NCAM2: variants seen among roughly 807,000 people sequenced by gnomAD.
NCAM2 encodes neural cell adhesion molecule 2, also known as N-CAM-2.
A neutral mutation model predicts 98.1 loss-of-function variants in NCAM2; 30 were observed. That is an observed-to-expected ratio of 0.31 (90% CI 0.23 to 0.41). The LOEUF (loss-of-function observed/expected upper bound fraction) is 0.41, where lower values mean the gene tolerates loss of function less well. Ranked by LOEUF, NCAM2 falls within the 10% of genes least tolerant of loss-of-function variation. The probability of loss-of-function intolerance (pLI) is 1.00; values close to 1 mark genes in which losing one functional copy is unlikely to be tolerated. For synonymous variants in NCAM2, 368 were observed against 342.4 expected (o/e 1.07, Z -0.83); for missense variants, 867 against 1,005.8 (o/e 0.86, Z 1.87).
chr21:21,282,471 A>G (rs1162120354), intron 2 of NCAM2, among the ~76,000 whole-genome samples: 1 of 151,692 alleles, frequency 6.6e-6, no homozygotes, highest in Non-Finnish European at 1.5e-5. Flanking sequence ...ATAGTACTGG[A>G]AGTAGTCTTA....
chr21:21,469,846 A>G (rs189656268), intron 14 of NCAM2, among the ~76,000 whole-genome samples: 4 of 152,158 alleles, frequency 2.6e-5, no homozygotes, highest in African/African-American at 9.6e-5. Flanking sequence ...CCCAGCTTTC[A>G]TACTCAAGTG....
intron 1 of NCAM2, among the ~76,000 whole-genome samples, chr21:21,053,259 G>T (rs1031090521): frequency 6.6e-6 from 1 of 151,900 alleles, no homozygotes; most frequent in Non-Finnish European, 1.5e-5. Context: ...AATTTGTGGC[G>T]ACATCAGAAT....
intron 6 of NCAM2, among the ~76,000 whole-genome samples, chr21:21,326,710 A>G (rs2074520730): frequency 6.6e-6 from 1 of 152,150 alleles, no homozygotes; most frequent in Non-Finnish European, 1.5e-5. Context: ...TTCATATGGT[A>G]TTAGTTTCAT....
intron 1 of NCAM2, among the ~76,000 whole-genome samples, chr21:21,251,053 C>A (rs1177522589): frequency 6.6e-6 from 1 of 152,110 alleles, no homozygotes; most frequent in Non-Finnish European, 1.5e-5. Context: ...ATTCTCTTTC[C>A]TGGGGAAAGG....
chr21:21,133,347 G>A (rs1439446673), intron 1 of NCAM2, among the ~76,000 whole-genome samples: 1 of 152,142 alleles, frequency 6.6e-6, no homozygotes, highest in Non-Finnish European at 1.5e-5. Context: ...AGCCATATCT[G>A]GGATATTGAC....
intron 1 of NCAM2, among the ~76,000 whole-genome samples, chr21:21,224,457 A>G (rs1007115976): frequency 2.6e-5 from 4 of 152,160 alleles, no homozygotes; most frequent in Admixed American, 6.6e-5. Flanking sequence ...TCCTTCACCA[A>G]TGGATTGTTT....
intron 1 of NCAM2, among the ~76,000 whole-genome samples, chr21:21,049,062 ACT>A (rs2065055049): frequency 7.5e-6 from 1 of 134,004 alleles, no homozygotes; most frequent in Non-Finnish European, 1.5e-5. Context: ...CCCAGGCTGG[ACT>A]GCGGACTGCA....
intron 1 of NCAM2, among the ~76,000 whole-genome samples, chr21:21,106,042 A>G (rs2066337989): frequency 6.6e-6 from 1 of 152,042 alleles, no homozygotes; most frequent in Non-Finnish European, 1.5e-5. Flanking sequence ...TGGTATGTGT[A>G]CGTGTGTATG....
At chr21:21,125,675 TAG>T (rs1400593193) in intron 1 of NCAM2, among the ~76,000 whole-genome samples, 1 of 127,382 alleles carries the variant, frequency 7.9e-6, no homozygotes, top group Non-Finnish European at 1.6e-5. Context: ...TATCTATATA[TAG>T]AGATATATAT....
chr21:21,220,429 TA>T (rs1411007468), intron 1 of NCAM2, among the ~76,000 whole-genome samples: 1 of 152,194 alleles, frequency 6.6e-6, no homozygotes, highest in African/African-American at 2.4e-5. Context: ...TTTTGTAGTC[TA>T]GGGGAAATAG....
chr21:21,182,841 G>A (rs560171641), intron 1 of NCAM2, among the ~76,000 whole-genome samples: 6 of 152,210 alleles, frequency 3.9e-5, no homozygotes, highest in South Asian at 4.1e-4. Flanking sequence ...TAAGATATAC[G>A]TAGGCCTCAT....
chr21:21,026,378 G>T lies in NCAM2; in HGVS notation c.55+27760G>T, dbSNP rs920487414. On this transcript the variant is annotated intron_variant, in intron 1 of 17. Coordinates refer to ENST00000400546, the MANE Select transcript of NCAM2 (RefSeq NM_004540.5). Reference sequence around the variant, plus strand: ...ACTTACTTAAAAATTTCAAAGTTAGGCCAGGCGCGGTGGCTCACGCCTGTA... The same window carrying T: ...ACTTACTTAAAAATTTCAAAGTTAGTCCAGGCGCGGTGGCTCACGCCTGTA... 5.9e-5 allele frequency among the ~76,000 whole-genome samples: 9 copies of T among 152,254 alleles called. 1 individual carries two copies. The highest frequency in any genetic ancestry group is 5.2e-4 in the Admixed American group (8 of 15,304).
intron 14 of NCAM2, among the ~76,000 whole-genome samples, chr21:21,472,858 C>T (rs1468210773): frequency 1.3e-5 from 2 of 151,464 alleles, no homozygotes; most frequent in South Asian, 2.1e-4. Context: ...GCACATGGAA[C>T]AAAGGCAAGT....
intron 11 of NCAM2, among the ~76,000 whole-genome samples, chr21:21,419,858 T>C (rs2077075164): frequency 6.6e-6 from 1 of 152,178 alleles, no homozygotes; most frequent in Admixed American, 6.5e-5. Context: ...TGATTTATAA[T>C]CCTTTGGGTA....
At chr21:21,285,394 G>C (rs2073064822) in intron 3 of NCAM2, among the ~76,000 whole-genome samples, 1 of 151,824 alleles carries the variant, frequency 6.6e-6, no homozygotes, top group Non-Finnish European at 1.5e-5. Flanking sequence ...TGTTGCTCTT[G>C]TGTTTCCTGA....
At chr21:21,410,779 A>C (rs1348791480) in intron 10 of NCAM2, among the ~76,000 whole-genome samples, 1 of 150,936 alleles carries the variant, frequency 6.6e-6, no homozygotes, top group Non-Finnish European at 1.5e-5. Context: ...GAGGCTGAGG[A>C]GGGCAGATCA....
intron 1 of NCAM2, among the ~76,000 whole-genome samples, chr21:21,015,079 C>T (rs1426882682): frequency 6.6e-6 from 1 of 152,196 alleles, no homozygotes; most frequent in Non-Finnish European, 1.5e-5. Flanking sequence ...AAGTTATTAG[C>T]TTCTTATGGG....
At chr21:21,213,731 T>C (rs546456331) in intron 1 of NCAM2, among the ~76,000 whole-genome samples, 262 of 152,332 alleles carry the variant, frequency 1.7e-3, no homozygotes, top group South Asian at 3.7e-3. Context: ...TATTAACATA[T>C]GGATATAACA....
At chr21:21,523,195 C>T (rs1014048066) in intron 16 of NCAM2, among the ~76,000 whole-genome samples, 14 of 152,050 alleles carry the variant, frequency 9.2e-5, no homozygotes, top group African/African-American at 3.1e-4. Context: ...AAGCTTGATG[C>T]GATCCCATCT....
Sources: allele counts gnomAD v4.1 joint callset (sites outside exome capture counted in the v4.1 genomes callset), GRCh38; gene constraint gnomAD v4.1.1; transcripts MANE v1.5; gene names NCBI Gene and HGNC (gene_info 2026-07-23, HGNC 2026-07-21).